MAF: variants seen among roughly 807,000 people sequenced by gnomAD.
The protein encoded by MAF is MAF bZIP transcription factor, also known as transcription factor Maf.
In MAF, 10 loss-of-function variants were observed where a neutral mutation model predicts 22.0. The ratio of observed to expected loss-of-function variants is 0.45; its 90% CI spans 0.28 to 0.77. The LOEUF (loss-of-function observed/expected upper bound fraction) is 0.77. Among genes scored for constraint, MAF ranks in the 30% least tolerant of loss-of-function variants. The pLI is 0.12. For synonymous variants in MAF, 337 were observed against 255.8 expected, an observed-to-expected ratio of 1.32 and a Z score of -3.03; for missense variants, 544 against 548.4, an observed-to-expected ratio of 0.99 and a Z score of 0.08.
the MAF span, among the ~76,000 whole-genome samples, chr16:79,252,310 A>ATTTATTTATAAATAAAC: frequency 6.6e-6 from 1 of 151,826 alleles, no homozygotes; most frequent in Non-Finnish European, 1.5e-5. Context: ...AATAAACTTT[A>ATTTATTTATAAATAAAC]TTTATTTATA....
chr16:79,341,100 A>G, the MAF span, among the ~76,000 whole-genome samples: 1 of 152,176 alleles, frequency 6.6e-6, no homozygotes, highest in African/African-American at 2.4e-5. Flanking sequence ...GGTGTGATGG[A>G]GCAGAGTGTA....
the MAF span, among the ~76,000 whole-genome samples, chr16:79,518,768 T>C: frequency 0.027 from 4,179 of 152,186 alleles, 104 homozygotes; most frequent in Non-Finnish European, 0.048. Context: ...CTACTAAAAA[T>C]ACAAAAATTA....
chr16:79,428,000 T>A, the MAF span, among the ~76,000 whole-genome samples: 8 of 151,462 alleles, frequency 5.3e-5, no homozygotes, highest in Non-Finnish European at 1.0e-4. Flanking sequence ...GCCTCATAGC[T>A]TTTCTGTTGT....
the MAF span, among the ~76,000 whole-genome samples, chr16:79,237,810 A>G: frequency 6.6e-6 from 1 of 152,028 alleles, no homozygotes; most frequent in Admixed American, 6.6e-5. Flanking sequence ...CCCTGTTGTG[A>G]TAATCCAAAA....
intron 1 of MAF, chr16:79,598,318 C>T (rs1409219016): frequency 9.1e-6 from 10 of 1,099,454 alleles, no homozygotes; most frequent in Middle Eastern, 8.0e-4. Context: ...AAATGAACAC[C>T]AGTTCATGAA....
the MAF span, among the ~76,000 whole-genome samples, chr16:79,543,975 C>T: frequency 3.3e-5 from 5 of 151,272 alleles, no homozygotes; most frequent in East Asian, 5.9e-4. Flanking sequence ...CGTGAACCAC[C>T]GCACCTGGCC....
the MAF span, among the ~76,000 whole-genome samples, chr16:79,475,534 A>C: frequency 1.3e-5 from 2 of 152,014 alleles, no homozygotes; most frequent in African/African-American, 2.4e-5. Flanking sequence ...CGATCTATCT[A>C]TCCATCTGTC....
the MAF span, among the ~76,000 whole-genome samples, chr16:79,535,062 T>C: frequency 2.6e-5 from 4 of 152,218 alleles, no homozygotes; most frequent in African/African-American, 9.6e-5. Flanking sequence ...GAAACCTTCA[T>C]TGACTTACTT....
At chr16:79,240,352 T>A in the MAF span, among the ~76,000 whole-genome samples, 3 of 151,068 alleles carry the variant, frequency 2.0e-5, no homozygotes, top group Non-Finnish European at 4.4e-5. Context: ...ACATTTTAAC[T>A]AAACTCCTCA....
At chr16:79,464,253 A>G in the MAF span, among the ~76,000 whole-genome samples, 20 of 152,192 alleles carry the variant, frequency 1.3e-4, no homozygotes, top group South Asian at 2.1e-4. Context: ...ATGACTCCAG[A>G]GGCCAGACAG....
chr16:79,445,736 C>T, the MAF span, among the ~76,000 whole-genome samples: 1 of 152,226 alleles, frequency 6.6e-6, no homozygotes, highest in Admixed American at 6.5e-5. Context: ...CTCCCTCATC[C>T]CTGTCTCATC....
the MAF span, among the ~76,000 whole-genome samples, chr16:79,373,516 G>A: frequency 6.6e-6 from 1 of 151,646 alleles, no homozygotes; most frequent in East Asian, 1.9e-4. Flanking sequence ...CCAAGTAGCT[G>A]GAATTGCAGG....
the MAF span, among the ~76,000 whole-genome samples, chr16:79,443,269 G>C: frequency 1.3e-4 from 20 of 152,226 alleles, no homozygotes; most frequent in African/African-American, 4.6e-4. Context: ...AGTGATGGTG[G>C]ACTTCTTTTG....
At chr16:79,400,559 G>T in the MAF span, among the ~76,000 whole-genome samples, 1 of 152,164 alleles carries the variant, frequency 6.6e-6, no homozygotes, top group African/African-American at 2.4e-5. Context: ...TGTTTCCCAG[G>T]CTCCTCCACT....
chr16:79,433,650 G>C, the MAF span, among the ~76,000 whole-genome samples: 2 of 152,230 alleles, frequency 1.3e-5, no homozygotes, highest in East Asian at 3.9e-4. Flanking sequence ...GTGAAGCCGG[G>C]AGGGAGTGCT....
At chr16:79,518,842 T>C in the MAF span, among the ~76,000 whole-genome samples, 1 of 152,134 alleles carries the variant, frequency 6.6e-6, no homozygotes, top group Admixed American at 6.5e-5. Context: ...GGAGAATTGC[T>C]TGAACCCAGG....
chr16:79,474,519 C>A, the MAF span, among the ~76,000 whole-genome samples: 56,226 of 152,008 alleles, frequency 0.37, 11,914 homozygotes, highest in Middle Eastern at 0.49. Context: ...TCTGCCAAGC[C>A]CAGCATGCTT....
chr16:79,207,458 C>G, the MAF span, among the ~76,000 whole-genome samples: 4 of 152,236 alleles, frequency 2.6e-5, no homozygotes, highest in Admixed American at 6.5e-5. Context: ...CAAGCCTAAT[C>G]TAACTTCCAG....
intron 1 of MAF, chr16:79,595,529 A>G: frequency 9.4e-7 from 1 of 1,059,878 alleles, no homozygotes; most frequent in Non-Finnish European, 1.1e-6. Context: ...GAAGATGACT[A>G]AGAGTGCAAA....
Sources: gnomAD v4.1 joint callset for allele counts (sites outside exome capture counted in the v4.1 genomes callset) on GRCh38, gnomAD v4.1.1 for gene constraint, MANE v1.5 for transcripts, NCBI Gene and HGNC (gene_info 2026-07-23, HGNC 2026-07-21) for gene names.